RAPGEF5: variants seen among roughly 807,000 people sequenced by gnomAD.
RAPGEF5 encodes M-Ras-regulated GEF.
In RAPGEF5, 65 loss-of-function variants were observed where a neutral mutation model predicts 125.2. The ratio of observed to expected loss-of-function variants is 0.52; its 90% CI spans 0.43 to 0.64. The LOEUF is 0.64. RAPGEF5 is among the 30% of genes least tolerant of loss of function. RAPGEF5 has a pLI of 0.00. For synonymous variants in RAPGEF5, 391 were observed against 385.9 expected (o/e 1.01, Z -0.16); for missense variants, 958 against 1,048.1 (o/e 0.91, Z 1.19).
At chr7:22,201,503 T>C (rs1027730592) in intron 9 of RAPGEF5, among the ~76,000 whole-genome samples, 1 of 152,254 alleles carries the variant, frequency 6.6e-6, no homozygotes, top group Non-Finnish European at 1.5e-5. Flanking sequence ...ACCATATTGG[T>C]CATGTATTTC....
intron 7 of RAPGEF5, among the ~76,000 whole-genome samples, chr7:22,246,958 C>T (rs748340611): frequency 2.2e-4 from 34 of 152,112 alleles, no homozygotes; most frequent in Non-Finnish European, 3.8e-4. Context: ...ACACAAGCAG[C>T]CAATAAACAT....
chr7:22,238,261 C>A (rs540111035), intron 7 of RAPGEF5, among the ~76,000 whole-genome samples: 2 of 152,094 alleles, frequency 1.3e-5, no homozygotes, highest in Non-Finnish European at 2.9e-5. Flanking sequence ...AAGGTGAATA[C>A]CATTTCTTGG....
In RAPGEF5 at chr7:22,162,396, C is replaced by T; in HGVS notation, c.1428+1G>A. The T allele has an allele frequency of 1.3e-6, 2 of 1,574,490 alleles. No homozygotes were observed. The highest frequency in any genetic ancestry group is 1.7e-6 in the Non-Finnish European group (2 of 1,146,612). ...AAGAATATCTGGAAATGTTTGATTA[C>T]CTTTAAAAACATTTTTGAATGTTCA... On this transcript the variant is annotated splice_donor_variant, in intron 13 of 25. Transcript: ENST00000665637. LOFTEE classifies it high-confidence loss of function.
At chr7:22,218,729 A>G (rs937613541) in intron 9 of RAPGEF5, among the ~76,000 whole-genome samples, 1 of 152,222 alleles carries the variant, frequency 6.6e-6, no homozygotes, top group Admixed American at 6.5e-5. Flanking sequence ...CAACTTGAAC[A>G]AGGTGCTAAA....
At chr7:22,317,839 A>G in intron 2 of RAPGEF5, 148 bp downstream of exon 2, 1 of 1,025,970 alleles carries the variant, frequency 9.7e-7, no homozygotes, top group Non-Finnish European at 1.4e-6. Context: ...GTGTCATCCC[A>G]GGTGGTGAAG....
At chr7:22,238,293 C>T (rs138578287) in intron 7 of RAPGEF5, among the ~76,000 whole-genome samples, 4 of 152,170 alleles carry the variant, frequency 2.6e-5, no homozygotes, top group African/African-American at 9.6e-5. Flanking sequence ...TCACTTTTCT[C>T]GAATTATCTC....
At chr7:22,169,443 T>C (rs1459514140) in intron 11 of RAPGEF5, among the ~76,000 whole-genome samples, 1 of 152,200 alleles carries the variant, frequency 6.6e-6, no homozygotes, top group Non-Finnish European at 1.5e-5. Context: ...ATTTTGGAAA[T>C]ACAATTTGAA....
intron 20 of RAPGEF5, among the ~76,000 whole-genome samples, chr7:22,142,202 C>T (rs550226756): frequency 6.6e-6 from 1 of 152,346 alleles, no homozygotes; most frequent in South Asian, 2.1e-4. Flanking sequence ...GGAGGCCCCA[C>T]TGCTTATGCA....
At chr7:22,143,047 T>C (rs1347595898) in intron 20 of RAPGEF5, among the ~76,000 whole-genome samples, 1 of 152,164 alleles carries the variant, frequency 6.6e-6, no homozygotes, top group East Asian at 1.9e-4. Context: ...AATCTTATAG[T>C]GGGAACTGAG....
chr7:22,189,400 T>C (rs1419367934), intron 11 of RAPGEF5, among the ~76,000 whole-genome samples: 1 of 152,128 alleles, frequency 6.6e-6, no homozygotes, highest in African/African-American at 2.4e-5. Flanking sequence ...TTATCCTCTC[T>C]AGGGAGGAGA....
At chr7:22,156,441 G>C (rs1783809167) in intron 16 of RAPGEF5, among the ~76,000 whole-genome samples, 1 of 152,132 alleles carries the variant, frequency 6.6e-6, no homozygotes, top group Non-Finnish European at 1.5e-5. Context: ...CATTGACTTT[G>C]GTGATCCTTC....
At chr7:22,249,233 C>G (rs947304372) in intron 7 of RAPGEF5, among the ~76,000 whole-genome samples, 5 of 152,110 alleles carry the variant, frequency 3.3e-5, no homozygotes, top group Admixed American at 2.6e-4. Context: ...ACTCTGCCAC[C>G]CAGGCTGAAG....
chr7:22,205,411 C>T (rs1450412485), intron 9 of RAPGEF5, among the ~76,000 whole-genome samples: 1 of 152,162 alleles, frequency 6.6e-6, no homozygotes, highest in Non-Finnish European at 1.5e-5. Context: ...ATTTGAAGTA[C>T]TCGACTGTGG....
At chr7:22,334,978 G>C (rs1568572) in intron 1 of RAPGEF5, among the ~76,000 whole-genome samples, 33,401 of 152,084 alleles carry the variant, frequency 0.22, 3,745 homozygotes, top group Admixed American at 0.24. Context: ...TTGGTCTCTT[G>C]TTTGCAATTA....
chr7:22,337,246 G>C (rs146416476), intron 1 of RAPGEF5, among the ~76,000 whole-genome samples: 2 of 152,308 alleles, frequency 1.3e-5, no homozygotes, highest in East Asian at 3.9e-4. Context: ...CAATCATAGA[G>C]GTGTGGAAAA....
chr7:22,186,658 TTAAA>T (rs1784834152), intron 11 of RAPGEF5, among the ~76,000 whole-genome samples: 4 of 152,164 alleles, frequency 2.6e-5, no homozygotes, highest in Non-Finnish European at 5.9e-5. Context: ...TTTAAAGGAA[TTAAA>T]TAAATAAAGG....
At chr7:22,246,171 A>G (rs34401570) in intron 7 of RAPGEF5, among the ~76,000 whole-genome samples, 15,392 of 152,238 alleles carry the variant, frequency 0.1, 878 homozygotes, top group African/African-American at 0.12. Flanking sequence ...CTACAGATGC[A>G]GTGCCATTCC....
In RAPGEF5 at chr7:22,355,895, A is replaced by G. The variant is rs925522910; in HGVS notation, c.231+935T>C. 1.3e-5 allele frequency: 12 copies of G among 934,094 alleles called. No homozygotes were observed. The Admixed American group carries it at 2.5e-4, about 19-fold the overall frequency. The allele number at this position is 934,094 out of a possible 1,614,324, so 57.9% of individuals were successfully genotyped here. A position where few individuals can be genotyped will look rare whatever the true frequency, so the allele number is the denominator to read the frequency against. ...GACTGCATTTTAAAAATTACAGCCA[A>G]ACGGGAAAGAAAAACCACATTGATG... On this transcript the variant is annotated intron_variant, in intron 1 of 25. Transcript: ENST00000665637.
At chr7:22,269,623 T>G (rs1378376083) in intron 6 of RAPGEF5, among the ~76,000 whole-genome samples, 1 of 152,224 alleles carries the variant, frequency 6.6e-6, no homozygotes, top group Admixed American at 6.5e-5. Context: ...CAGAACATGT[T>G]AGAAGGATTC....
Sources: gnomAD v4.1 joint callset for allele counts (sites outside exome capture counted in the v4.1 genomes callset) on GRCh38, gnomAD v4.1.1 for gene constraint, MANE v1.5 for transcripts, NCBI Gene and HGNC (gene_info 2026-07-23, HGNC 2026-07-21) for gene names.